Variants in ZNF516 observed in about 807,000 individuals in gnomAD.
The protein encoded by ZNF516 is zinc finger protein 516.
In ZNF516, 19 loss-of-function variants were observed where a neutral mutation model predicts 79.7. The observed-to-expected ratio is 0.24, with a 90% CI of 0.17 to 0.35. The LOEUF is 0.35. ZNF516 is among the 10% of genes least tolerant of loss of function. The probability of loss-of-function intolerance (pLI) is 1.00; values close to 1 mark genes in which losing one functional copy is unlikely to be tolerated. For missense variants in ZNF516, 1,678 were observed against 1,679.5 expected, an observed-to-expected ratio of 1.00 and a Z score of 0.02; for synonymous variants, 877 against 739.5, an observed-to-expected ratio of 1.19 and a Z score of -3.02.
intron 1 of ZNF516, among the ~76,000 whole-genome samples, chr18:76,477,520 C>T (rs1212588802): frequency 6.6e-6 from 1 of 152,102 alleles, no homozygotes; most frequent in Non-Finnish European, 1.5e-5. Context: ...GGACAAAAGG[C>T]GAGATTCGTT....
At chr18:76,440,722 G>A (rs538406948) in intron 3 of ZNF516, among the ~76,000 whole-genome samples, 1 of 137,864 alleles carries the variant, frequency 7.3e-6, no homozygotes, top group African/African-American at 2.7e-5. Context: ...TGGAGTGGAG[G>A]AAAGTGTGTG....
At chr18:76,432,320 C>T (rs554290011) in intron 3 of ZNF516, among the ~76,000 whole-genome samples, 68 of 152,362 alleles carry the variant, frequency 4.5e-4, no homozygotes, top group African/African-American at 1.5e-3. Flanking sequence ...AGCCTCAGTA[C>T]TGTCATTACC....
At chr18:76,443,308 C>T (rs1911840768) in intron 2 of ZNF516, 97 bp from the exon 3 acceptor site, 1 of 492,198 alleles carries the variant, frequency 2.0e-6, no homozygotes, top group Non-Finnish European at 3.5e-6. Context: ...ACATACCCAT[C>T]CAACCCACAT....
intron 3 of ZNF516, among the ~76,000 whole-genome samples, chr18:76,395,569 G>A (rs923832813): frequency 3.3e-5 from 5 of 152,132 alleles, no homozygotes; most frequent in Non-Finnish European, 7.4e-5. Flanking sequence ...TCAGGGGCAG[G>A]TACGGAATTC....
intron 3 of ZNF516, among the ~76,000 whole-genome samples, chr18:76,413,309 T>C (rs2145317653): frequency 6.6e-6 from 1 of 152,348 alleles, no homozygotes; most frequent in Admixed American, 6.5e-5. Flanking sequence ...ACTTTAAAAT[T>C]ATATATAAAT....
At chr18:76,437,326 C>T (rs1399527642) in intron 3 of ZNF516, among the ~76,000 whole-genome samples, 1 of 152,088 alleles carries the variant, frequency 6.6e-6, no homozygotes, top group Non-Finnish European at 1.5e-5. Flanking sequence ...AGAAGATGGG[C>T]TCTGAGGACG....
intron 6 of ZNF516, among the ~76,000 whole-genome samples, chr18:76,365,244 T>C (rs867424275): frequency 6.6e-6 from 1 of 152,254 alleles, no homozygotes; most frequent in Non-Finnish European, 1.5e-5. Flanking sequence ...AATAAACTAT[T>C]AATCATAGTC....
intron 3 of ZNF516, among the ~76,000 whole-genome samples, chr18:76,406,667 T>A (rs1329979253): frequency 1.3e-5 from 2 of 152,248 alleles, no homozygotes; most frequent in Non-Finnish European, 2.9e-5. Flanking sequence ...CTGGCTCTGC[T>A]GGCCTGTCTG....
chr18:76,492,520 T>C (rs927539966), intron 1 of ZNF516: 12 of 374,378 alleles, frequency 3.2e-5, no homozygotes, highest in African/African-American at 8.8e-5. Flanking sequence ...AGTGAGAAAA[T>C]CACATGTGAA....
rs370333124 is a variant in ZNF516 at position 76,378,926 on chromosome 18, G to T, written c.3188C>A (p.Thr1063Lys). Reference sequence around the variant, plus strand: ...GGTCGCAAAGTCCTTTGGAATGTACGTCTTAAAGATGTTGAGGATGTCCAG... The same window carrying T: ...GGTCGCAAAGTCCTTTGGAATGTACTTCTTAAAGATGTTGAGGATGTCCAG... ...KRLDILNIFKTYIPKDFATLY... is the reference protein window; with the variant it reads ...KRLDILNIFKKYIPKDFATLY... Residue 1063 changes from threonine (T) to lysine (K), a missense_variant, in exon 4 of 7, where the codon ACG becomes AAG. Transcript: ENST00000443185. 4 of 1,613,874 alleles carry T rather than the reference G, an allele frequency of 2.5e-6. No individual in the cohort carries two copies. Among genetic ancestry groups the T allele is most frequent in the Non-Finnish European group, 3.4e-6 (4 of 1,179,832 alleles).
rs1281250336 is a variant in ZNF516, at chr18:76,467,551, T to C, written c.-271-4410A>G. 6.6e-6 allele frequency among the ~76,000 whole-genome samples: 1 copy of C among 152,054 alleles called. No individual in the cohort carries two copies. Among genetic ancestry groups the C allele is most frequent in the Non-Finnish European group, 1.5e-5 (1 of 67,998 alleles). Reference sequence around the variant, plus strand: ...TTTCCTGGAGGCTGCAAGTAAGTGCTCAGTCAAGGAGGGGACAAGGCTTCG... The same window carrying C: ...TTTCCTGGAGGCTGCAAGTAAGTGCCCAGTCAAGGAGGGGACAAGGCTTCG... On this transcript the variant is annotated intron_variant, in intron 1 of 6. Transcript: ENST00000443185. The surrounding 1 kb of genome is among the most constrained non-coding windows in gnomAD (Gnocchi z 4.2).
chr18:76,367,911 ATTGACT>A (rs1009448003), intron 6 of ZNF516, among the ~76,000 whole-genome samples: 4 of 152,226 alleles, frequency 2.6e-5, no homozygotes, highest in African/African-American at 9.6e-5. Context: ...ATAAAAGTCC[ATTGACT>A]TTAAGTGTCA....
chr18:76,412,903 G>C (rs1180544001), intron 3 of ZNF516, among the ~76,000 whole-genome samples: 1 of 151,932 alleles, frequency 6.6e-6, no homozygotes, highest in Non-Finnish European at 1.5e-5. Flanking sequence ...CCTCCACCTC[G>C]CCCACCTCTG....
intron 3 of ZNF516, among the ~76,000 whole-genome samples, chr18:76,421,143 T>C (rs1486725796): frequency 6.6e-6 from 1 of 152,218 alleles, no homozygotes; most frequent in African/African-American, 2.4e-5. Flanking sequence ...ACAATATGTA[T>C]GTTCAGGGTC....
intron 1 of ZNF516, among the ~76,000 whole-genome samples, chr18:76,485,827 T>C (rs542459225): frequency 1.3e-5 from 2 of 150,268 alleles, no homozygotes; most frequent in African/African-American, 4.9e-5. Context: ...TCAGGGGAAC[T>C]ATTAAATAGG....
intron 3 of ZNF516, among the ~76,000 whole-genome samples, chr18:76,433,556 G>A (rs2075690532): frequency 6.6e-6 from 1 of 152,212 alleles, no homozygotes; most frequent in Non-Finnish European, 1.5e-5. Context: ...CTCAGGCCTT[G>A]TGGAGGAGAC....
rs1275248718 is a variant in ZNF516, at chr18:76,361,375, A to G, written c.*1123T>C. 1 of 152,282 alleles carries G rather than the reference A, an allele frequency of 6.6e-6. No homozygotes were observed. Among genetic ancestry groups the G allele is most frequent in the Non-Finnish European group, 1.5e-5 (1 of 68,056 alleles). The allele number at this position is 152,282 out of a possible 1,614,324, so 9.4% of individuals were successfully genotyped here. On this transcript the variant is annotated 3_prime_UTR_variant, in exon 7 of 7. Transcript: ENST00000443185. ...GCATTTGCATTACTGAGGAAGAGGT[A>G]TATGAAGCCGTCCCCCACCCAAGGG...
chr18:76,495,522 A>C, upstream of ZNF516: 1 of 204,544 alleles, frequency 4.9e-6, no homozygotes, highest in South Asian at 4.4e-5. Flanking sequence ...AAGTTCTGCC[A>C]CACTGAGGGG....
At chr18:76,445,135 T>C (rs1014923687) in intron 2 of ZNF516, among the ~76,000 whole-genome samples, 4 of 152,012 alleles carry the variant, frequency 2.6e-5, no homozygotes, top group African/African-American at 4.8e-5. Flanking sequence ...TGTGCACCTG[T>C]AGTCCCACCT....
Sources: allele counts gnomAD v4.1 joint callset (sites outside exome capture counted in the v4.1 genomes callset), GRCh38; gene constraint gnomAD v4.1.1; non-coding constraint Gnocchi (gnomAD v3.1); transcripts MANE v1.5; gene names NCBI Gene and HGNC (gene_info 2026-07-23, HGNC 2026-07-21).